Variants in TBC1D20 observed in about 807,000 individuals in gnomAD.
The protein encoded by TBC1D20 is TBC1 domain family member 20, also known as chromosome 20 open reading frame 140.
A neutral mutation model predicts 41.6 loss-of-function variants in TBC1D20; 12 were observed. The ratio of observed to expected loss-of-function variants is 0.29; its 90% CI spans 0.18 to 0.47. The LOEUF (loss-of-function observed/expected upper bound fraction) is 0.47, where lower values mean the gene tolerates loss of function less well. Among genes scored for constraint, TBC1D20 ranks in the 20% least tolerant of loss-of-function variants. The probability of loss-of-function intolerance (pLI) is 1.00; values close to 1 mark genes in which losing one functional copy is unlikely to be tolerated. For synonymous variants in TBC1D20, 205 were observed against 204.8 expected, an observed-to-expected ratio of 1.00 and a Z score of -0.01; for missense variants, 421 against 517.4, an observed-to-expected ratio of 0.81 and a Z score of 1.81.
Position 439,016 on chromosome 20 carries a change from T to G in TBC1D20, c.956+92A>C. 1 of 1,500,646 alleles carries G rather than the reference T, an allele frequency of 6.7e-7. No individual in the cohort carries two copies. The highest frequency in any genetic ancestry group is 9.0e-7 in the Non-Finnish European group (1 of 1,112,030). The allele number at this position is 1,500,646 out of a possible 1,614,324, so 93.0% of individuals were successfully genotyped here. A position where few individuals can be genotyped will look rare whatever the true frequency, so the allele number is the denominator to read the frequency against. On this transcript the variant is annotated intron_variant, in intron 7 of 7. Transcript: ENST00000354200. This position sits in a 1 kb window ranked among gnomAD's most constrained non-coding sequence, Gnocchi z 4.6. ...GCCTAAGCTCAGATCTCTGGAAACA[T>G]GCCCCAACCCTATCCCACCAGACAC...
intron 1 of TBC1D20, among the ~76,000 whole-genome samples, chr20:458,314 A>AT (rs759935413): frequency 0.01 from 1,499 of 143,314 alleles, 8 homozygotes; most frequent in African/African-American, 0.021. Flanking sequence ...CTCTGTTCCA[A>AT]TTTTTTTTTT....
At chr20:460,487 G>A (rs1265227779) in intron 1 of TBC1D20, among the ~76,000 whole-genome samples, 1 of 150,820 alleles carries the variant, frequency 6.6e-6, no homozygotes, top group Non-Finnish European at 1.5e-5. Flanking sequence ...GAAGACCACA[G>A]CAGGAGAGGA....
At chr20:445,980 T>C (rs193038306) in intron 2 of TBC1D20, among the ~76,000 whole-genome samples, 1 of 152,376 alleles carries the variant, frequency 6.6e-6, no homozygotes, top group Admixed American at 6.5e-5. Context: ...ATTCCAAGGA[T>C]AATAACAAGT....
In TBC1D20 at chr20:444,527, G is replaced by C. The variant is rs149501745; in HGVS notation, c.337+523C>G. Among the ~76,000 whole-genome samples the C allele has an allele frequency of 8.6e-5, 13 of 151,952 alleles. No individual in the cohort carries two copies. The East Asian group carries it at 2.5e-3, about 29-fold the overall frequency. On this transcript the variant is annotated intron_variant, in intron 3 of 7. Coordinates refer to ENST00000354200, the MANE Select transcript of TBC1D20 (RefSeq NM_144628.4). ...CTTTTCTTTCTTCCTGAAATAAAGA[G>C]GTAATTTTAGGAATACATTCTTTTT...
chr20:455,938 A>G (rs962788970), intron 1 of TBC1D20, among the ~76,000 whole-genome samples: 1 of 152,024 alleles, frequency 6.6e-6, no homozygotes, highest in African/African-American at 2.4e-5. Flanking sequence ...GTCTCAAAAA[A>G]ATAAACAAAA....
intron 1 of TBC1D20, among the ~76,000 whole-genome samples, chr20:461,791 A>C (rs1227416595): frequency 6.6e-6 from 1 of 152,256 alleles, no homozygotes; most frequent in African/African-American, 2.4e-5. Context: ...TTCGTTTTGG[A>C]ATCAGACAGC....
intron 5 of TBC1D20, 154 bp downstream of exon 5, chr20:441,434 A>G (rs2017227068): frequency 3.0e-6 from 2 of 656,938 alleles, no homozygotes; most frequent in African/African-American, 1.8e-5. Flanking sequence ...GAACTGAATT[A>G]CCCAGATTGC....
Position 439,621 on chromosome 20 carries a change from G to A in TBC1D20, c.769-326C>T, listed in dbSNP as rs2017187781. Among the ~76,000 whole-genome samples the A allele has an allele frequency of 6.6e-6, 1 of 152,198 alleles. No individual in the cohort carries two copies. Among genetic ancestry groups the A allele is most frequent in the Admixed American group, 6.5e-5 (1 of 15,278 alleles). On this transcript the variant is annotated intron_variant, in intron 6 of 7. Coordinates refer to ENST00000354200, the MANE Select transcript of TBC1D20 (RefSeq NM_144628.4). This position sits in a 1 kb window ranked among gnomAD's most constrained non-coding sequence, Gnocchi z 4.6. ...AGGAGATTCTTTTAGGAGAAAGTAGGAGAATTATTGGGAGATTCCTGGAGC... is the reference window on the plus strand; with the variant it reads ...AGGAGATTCTTTTAGGAGAAAGTAGAAGAATTATTGGGAGATTCCTGGAGC...
intron 1 of TBC1D20, among the ~76,000 whole-genome samples, chr20:448,293 A>T (rs1339640618): frequency 6.6e-6 from 1 of 152,238 alleles, no homozygotes; most frequent in Non-Finnish European, 1.5e-5. Context: ...ACTATAAAAC[A>T]GATTTTAAAT....
intron 1 of TBC1D20, among the ~76,000 whole-genome samples, chr20:453,177 A>C (rs1048058278): frequency 2.1e-5 from 3 of 140,510 alleles, no homozygotes; most frequent in East Asian, 2.1e-4. Context: ...AAAAAAAAAA[A>C]AAAAAAAAAA....
At chr20:455,753 C>T (rs1019160644) in intron 1 of TBC1D20, among the ~76,000 whole-genome samples, 2 of 151,022 alleles carry the variant, frequency 1.3e-5, no homozygotes, top group Admixed American at 6.6e-5. Context: ...ACCAACATGG[C>T]GAAACCCCGT....
chr20:447,895 T>C lies in TBC1D20; in HGVS notation c.250A>G (p.Ile84Val). Reference sequence around the variant, plus strand: ...CCTCCCCCACTCCCCTTACCTGATATAGGAGGTGGGTCATTGGCATTGACA... The same window carrying C: ...CCTCCCCCACTCCCCTTACCTGATACAGGAGGTGGGTCATTGGCATTGACA... ...LNVNANDPPP[I>V]SGKNLRQMSK... Residue 84 changes from isoleucine (I) to valine (V), a missense_variant, in exon 2 of 8, where the codon ATA becomes GTA. Around this residue, in one of 3 missense-constraint regions of TBC1D20, gnomAD observed 150 missense variants for 151.3 expected, o/e 0.99. Transcript: ENST00000354200. The C allele has an allele frequency of 6.2e-7, 1 of 1,611,368 alleles. No homozygotes were observed.
At chr20:448,705 AAG>A (rs764207446) in intron 1 of TBC1D20, among the ~76,000 whole-genome samples, 1 of 151,262 alleles carries the variant, frequency 6.6e-6, no homozygotes. Flanking sequence ...AAAAAAAAAA[AAG>A]AGACATTGTC....
chr20:438,935 T>G (rs2017173077), intron 7 of TBC1D20, 94 bp from the exon 8 acceptor site: 24 of 1,523,374 alleles, frequency 1.6e-5, no homozygotes, highest in Non-Finnish European at 2.1e-5. Flanking sequence ...AGCCTTTCAT[T>G]GCTGGGAAAG....
intron 2 of TBC1D20, 116 bp from the exon 3 acceptor site, chr20:445,246 G>GACTC (rs2017311084): frequency 1.4e-6 from 1 of 724,054 alleles, no homozygotes; most frequent in Non-Finnish European, 2.5e-6. Flanking sequence ...TCCTGAAGAG[G>GACTC]ATGATATGAC....
At chr20:461,484 A>G (rs1362132382) in intron 1 of TBC1D20, among the ~76,000 whole-genome samples, 1 of 152,122 alleles carries the variant, frequency 6.6e-6, no homozygotes, top group Non-Finnish European at 1.5e-5. Flanking sequence ...CTCAGCCTCC[A>G]GAGTCGTTGG....
intron 6 of TBC1D20, 36 bp downstream of exon 6, chr20:440,212 G>T: frequency 6.2e-7 from 1 of 1,605,568 alleles, no homozygotes; most frequent in Admixed American, 1.7e-5. Flanking sequence ...GATGGGTGAT[G>T]GTGAACCCAG....
chr20:448,506 T>C (rs1269230491), intron 1 of TBC1D20, among the ~76,000 whole-genome samples: 1 of 151,882 alleles, frequency 6.6e-6, no homozygotes, highest in Non-Finnish European at 1.5e-5. Context: ...CTGGCCAATA[T>C]GGTGAACCCC....
intron 5 of TBC1D20, 30 bp downstream of exon 5, chr20:441,558 A>C: frequency 6.3e-7 from 1 of 1,585,638 alleles, no homozygotes; most frequent in Non-Finnish European, 8.7e-7. Flanking sequence ...GTGTGTATGC[A>C]TGCACACAGA....
Sources: gnomAD v4.1 joint callset for allele counts (sites outside exome capture counted in the v4.1 genomes callset) on GRCh38, gnomAD v4.1.1 for gene constraint, gnomAD v4.1.1 regional missense constraint, Gnocchi (gnomAD v3.1) non-coding constraint, MANE v1.5 for transcripts, NCBI Gene and HGNC (gene_info 2026-07-23, HGNC 2026-07-21) for gene names.